MX2: variants seen among roughly 807,000 people sequenced by gnomAD.
MX2 encodes interferon-induced GTP-binding protein Mx2.
MX2 carries 51 observed loss-of-function variants against 74.0 expected under a neutral mutation model. The observed-to-expected ratio is 0.69, with a 90% CI of 0.55 to 0.87. MX2 has a LOEUF of 0.87. MX2 is among the 40% of genes least tolerant of loss of function. The pLI is 0.00. For synonymous variants in MX2, 369 were observed against 339.3 expected, an observed-to-expected ratio of 1.09 and a Z score of -0.96; for missense variants, 832 against 908.7, an observed-to-expected ratio of 0.92 and a Z score of 1.09.
chr21:41,391,373 T>A (rs1389534618), intron 6 of MX2, among the ~76,000 whole-genome samples: 1 of 151,588 alleles, frequency 6.6e-6, no homozygotes, highest in Non-Finnish European at 1.5e-5. Context: ...AATCAACAGT[T>A]ATCAATAAAT....
chr21:41,402,010 G>A lies in MX2; in HGVS notation c.1455G>A (p.Lys485=), dbSNP rs757747088. The stretch of plus-strand genomic sequence containing the variant: ...ACGAAGAAGTTGAAAAATATGAAAA[G>A]CAGTATCGAGGCAAGGAGCTTCTGG... ...IIHEEVEKYE[K]QYRGKELLGF... The change falls in exon 11 of 14, where the codon AAG becomes AAA. Residue 485 remains lysine (K), a synonymous_variant. Coordinates refer to ENST00000330714, the MANE Select transcript of MX2 (RefSeq NM_002463.2). This position sits in a 1 kb window ranked among gnomAD's most constrained non-coding sequence, Gnocchi z 4.5. 22 of 1,614,034 alleles carry A rather than the reference G, an allele frequency of 1.4e-5. No homozygotes were observed. The Admixed American group carries it at 3.5e-4, about 26-fold the overall frequency.
Position 41,382,543 on chromosome 21 carries a change from G to A in MX2, c.711G>A (p.Gln237=), listed in dbSNP as rs1219586863. The A allele has an allele frequency of 6.2e-7, 1 of 1,614,082 alleles. No individual in the cohort carries two copies. Among genetic ancestry groups the A allele is most frequent in the African/African-American group, 1.3e-5 (1 of 74,946 alleles). ...TCACCAGGGTGGCTGTGGACAACCAGCCCCGAGACATCGGACTGCAGGTGA... is the reference window on the plus strand; with the variant it reads ...TCACCAGGGTGGCTGTGGACAACCAACCCCGAGACATCGGACTGCAGGTGA... ...PGITRVAVDN[Q]PRDIGLQIKA... Residue 237 remains glutamine (Q), a synonymous_variant, in exon 5 of 14, where the codon CAG becomes CAA. Coordinates refer to ENST00000330714, the MANE Select transcript of MX2 (RefSeq NM_002463.2).
At position 41,399,331 on chromosome 21, in the gene MX2, C is replaced by T. The variant is rs751048457; in HGVS notation, c.1408C>T (p.Gln470Ter). Reference sequence around the variant, plus strand: ...GGTAGGCATACTTGCAACTAATACCCAAAAAGGTAAGTTCTGGGCAGGGCT... The same window carrying T: ...GGTAGGCATACTTGCAACTAATACCTAAAAAGGTAAGTTCTGGGCAGGGCT... ...NWVGILATNT[Q>*]KVKNIIHEEV... Residue 470 changes from glutamine to a stop codon, truncating the protein, a stop_gained, in exon 10 of 14, where the codon CAA (glutamine) becomes TAA (stop). Transcript: ENST00000330714. LOFTEE classifies it high-confidence loss of function. The T allele has an allele frequency of 6.2e-7, 1 of 1,613,322 alleles. No homozygotes were observed. The highest frequency in any genetic ancestry group is 1.1e-5 in the South Asian group (1 of 91,012).
In MX2 at chr21:41,408,224, G is replaced by T; in HGVS notation, c.2139G>T (p.Glu713Asp). 2 of 1,614,034 alleles carry T rather than the reference G, an allele frequency of 1.2e-6. No homozygotes were observed. The highest frequency in any genetic ancestry group is 2.2e-5 in the East Asian group (1 of 44,876). Residue 713 changes from glutamate to aspartate, a missense_variant, in exon 14 of 14, where the codon GAG becomes GAT. Transcript: ENST00000330714. Reference protein sequence around the residue: ...RHALCQFSSKEIH With the variant: ...RHALCQFSSKDIH Reference sequence around the variant, plus strand: ...CACTCTGTCAATTCTCCAGCAAAGAGATCCACTGAAGGGCGGCGATGCCTG... The same window carrying T: ...CACTCTGTCAATTCTCCAGCAAAGATATCCACTGAAGGGCGGCGATGCCTG...
chr21:41,390,544 T>A (rs762328427), intron 5 of MX2, 21 bp from the exon 6 acceptor site: 1 of 1,613,872 alleles, frequency 6.2e-7, no homozygotes, highest in Admixed American at 1.7e-5. Context: ...GCTCTTTCTT[T>A]GTGCGATTCT....
chr21:41,367,972 T>C (rs1037704026), intron 1 of MX2, among the ~76,000 whole-genome samples: 1 of 152,182 alleles, frequency 6.6e-6, no homozygotes, highest in South Asian at 2.1e-4. Flanking sequence ...TCTTTTCTCC[T>C]CTTCTCTCAC....
At chr21:41,389,989 C>T (rs1052648909) in intron 5 of MX2, 18 of 152,634 alleles carry the variant, frequency 1.2e-4, no homozygotes, top group African/African-American at 4.3e-4. Flanking sequence ...AACTAGACCC[C>T]TTCCAAGAAC....
chr21:41,393,802 G>A (rs1189936880), intron 6 of MX2, among the ~76,000 whole-genome samples: 3 of 152,138 alleles, frequency 2.0e-5, no homozygotes, highest in South Asian at 2.1e-4. Context: ...CCAGTTAAAC[G>A]TGACCAGAAC....
At position 41,401,974 on chromosome 21, in the gene MX2, A is replaced by G. The variant is rs1244332254; in HGVS notation, c.1419A>G (p.Lys473=). Residue 473 remains lysine, a synonymous_variant, in exon 11 of 14, where the codon AAA becomes AAG. Coordinates refer to ENST00000330714, the MANE Select transcript of MX2 (RefSeq NM_002463.2). Reference sequence around the variant, plus strand: ...GAGGTCTGTTTGATGTTGCAGTTAAAAATATTATCCACGAAGAAGTTGAAA... The same window carrying G: ...GAGGTCTGTTTGATGTTGCAGTTAAGAATATTATCCACGAAGAAGTTGAAA... The part of the protein sequence containing the change: ...GILATNTQKV[K]NIIHEEVEKY... The G allele has an allele frequency of 6.2e-7, 1 of 1,612,718 alleles. No individual in the cohort carries two copies. The highest frequency in any genetic ancestry group is 1.3e-5 in the African/African-American group (1 of 74,810).
chr21:41,386,878 A>G (rs1263669026), intron 5 of MX2, among the ~76,000 whole-genome samples: 2 of 152,210 alleles, frequency 1.3e-5, no homozygotes, highest in Non-Finnish European at 2.9e-5. Flanking sequence ...ACAGGTTCTT[A>G]GTTTCTGTTT....
chr21:41,365,809 T>C (rs2089260761), intron 1 of MX2: 1 of 152,262 alleles, frequency 6.6e-6, no homozygotes. Context: ...CCAGACTGCT[T>C]TCCACATGGC....
At chr21:41,387,554 G>A (rs1050391428) in intron 5 of MX2, among the ~76,000 whole-genome samples, 3 of 152,082 alleles carry the variant, frequency 2.0e-5, no homozygotes, top group Non-Finnish European at 2.9e-5. Flanking sequence ...CCTCCTGTTG[G>A]TCTCTCCTTA....
intron 1 of MX2, among the ~76,000 whole-genome samples, chr21:41,372,701 C>T (rs1744309597): frequency 1.3e-5 from 2 of 152,144 alleles, no homozygotes; most frequent in Non-Finnish European, 2.9e-5. Context: ...ATCATAAATC[C>T]TCTGTGCTTC....
chr21:41,368,623 C>A lies in MX2; in HGVS notation c.-72+6568C>A, dbSNP rs1360519549. On this transcript the variant is annotated intron_variant, in intron 1 of 13. Coordinates refer to ENST00000330714, the MANE Select transcript of MX2 (RefSeq NM_002463.2). This position sits in a 1 kb window ranked among gnomAD's most constrained non-coding sequence, Gnocchi z 4.6. ...TCAGCTCATGATACGCTTAGCAAGA[C>A]CTGCCCTTCATGAAAATGAGGGTGA... is the stretch of plus-strand genomic sequence containing the variant. Among the ~76,000 whole-genome samples, 2 of 152,202 alleles carry A rather than the reference C, an allele frequency of 1.3e-5. No homozygotes were observed. The highest frequency in any genetic ancestry group is 2.9e-5 in the Non-Finnish European group (2 of 68,040).
chr21:41,379,923 C>A (rs1481217906), intron 3 of MX2, 94 bp from the exon 4 acceptor site: 5 of 1,517,758 alleles, frequency 3.3e-6, no homozygotes, highest in Middle Eastern at 2.3e-4. Flanking sequence ...GCAGACGAGG[C>A]CTTTGGGGAC....
intron 12 of MX2, among the ~76,000 whole-genome samples, chr21:41,405,626 G>A (rs112762386): frequency 7.2e-4 from 110 of 151,830 alleles, no homozygotes; most frequent in African/African-American, 1.2e-3. Context: ...AAATTGGGGG[G>A]CAGGGGACAC....
intron 2 of MX2, 62 bp downstream of exon 2, chr21:41,377,217 C>A: frequency 1.3e-6 from 2 of 1,589,568 alleles, no homozygotes; most frequent in South Asian, 2.3e-5. Flanking sequence ...AGAGGGCTGT[C>A]ATGTAAGCCC....
At chr21:41,393,175 A>G (rs2089686575) in intron 6 of MX2, among the ~76,000 whole-genome samples, 1 of 151,990 alleles carries the variant, frequency 6.6e-6, no homozygotes, top group Non-Finnish European at 1.5e-5. Context: ...ATGACTACAC[A>G]ATACTTCCAA....
rs145539486 is a variant in MX2 at position 41,382,513 on chromosome 21, C to T, written c.681C>T (p.Pro227=). 1,239 of 1,614,206 alleles carry T rather than the reference C, an allele frequency of 7.7e-4. No homozygotes were observed. The highest frequency in any genetic ancestry group is 9.2e-4 in the Non-Finnish European group (1,089 of 1,180,046). The change falls in exon 5 of 14, where the codon CCC becomes CCT. Residue 227 remains proline (P), a synonymous_variant. Transcript: ENST00000330714. ...EVPDLTIIDL[P]GITRVAVDNQ... is the part of the protein sequence containing the mutation. ...CAGACCTGACCATCATTGACCTTCCCGGCATCACCAGGGTGGCTGTGGACA... is the reference window on the plus strand; with the variant it reads ...CAGACCTGACCATCATTGACCTTCCTGGCATCACCAGGGTGGCTGTGGACA...
Sources: gnomAD v4.1 joint callset for allele counts (sites outside exome capture counted in the v4.1 genomes callset) on GRCh38, gnomAD v4.1.1 for gene constraint, Gnocchi (gnomAD v3.1) non-coding constraint, MANE v1.5 for transcripts, NCBI Gene and HGNC (gene_info 2026-07-23, HGNC 2026-07-21) for gene names.